The following ANKRD18B variants were observed in gnomAD, a reference collection of about 807,000 sequenced individuals.
ANKRD18B encodes ankyrin repeat domain-containing protein 18B.
ANKRD18B carries 75 observed loss-of-function variants against 111.8 expected under a neutral mutation model. The observed-to-expected ratio is 0.67, with a 90% CI of 0.56 to 0.81. The LOEUF is 0.81. Among genes scored for constraint, ANKRD18B ranks in the 40% least tolerant of loss-of-function variants. The pLI is 0.00. For synonymous variants in ANKRD18B, 356 were observed against 417.3 expected, an observed-to-expected ratio of 0.85 and a Z score of 1.79; for missense variants, 1,038 against 1,225.5, an observed-to-expected ratio of 0.85 and a Z score of 2.28.
At chr9:33,553,366 CATAA>C (rs1266796584) in intron 12 of ANKRD18B, among the ~76,000 whole-genome samples, 1 of 152,056 alleles carries the variant, frequency 6.6e-6, no homozygotes, top group Admixed American at 6.6e-5. Context: ...AGCTCTGTCT[CATAA>C]ATAAAACGTT....
intron 14 of ANKRD18B, among the ~76,000 whole-genome samples, chr9:33,558,714 A>T (rs1828563469): frequency 6.6e-6 from 1 of 152,176 alleles, no homozygotes; most frequent in South Asian, 2.1e-4. Context: ...GTAATTTTAA[A>T]TCAGTTTGGG....
In ANKRD18B at chr9:33,524,601, A is replaced by T. The variant is rs1408888197; in HGVS notation, c.112A>T (p.Ile38Phe). 94 of 1,551,422 alleles carry T rather than the reference A, an allele frequency of 6.1e-5. No individual in the cohort carries two copies. Among genetic ancestry groups the T allele is most frequent in the Non-Finnish European group, 8.0e-5 (92 of 1,146,876 alleles). ...YHIRDWELRK[I>F]HRAAIKGDAA... Reference sequence around the variant, plus strand: ...CATTCGGGACTGGGAACTGCGGAAGATCCACAGGGCGGCCATCAAGGGCGA... The same window carrying T: ...CATTCGGGACTGGGAACTGCGGAAGTTCCACAGGGCGGCCATCAAGGGCGA... Residue 38 changes from isoleucine to phenylalanine, a missense_variant, in exon 1 of 19, where the codon ATC becomes TTC. By Grantham distance (21) the Ile-to-Phe change is conservative (BLOSUM62 0). Around this residue, in one of 4 missense-constraint regions of ANKRD18B, gnomAD observed 216 missense variants for 205.1 expected, o/e 1.05. Transcript: ENST00000684830.
At chr9:33,547,237 C>T (rs1049456902) in intron 10 of ANKRD18B, among the ~76,000 whole-genome samples, 3 of 152,072 alleles carry the variant, frequency 2.0e-5, no homozygotes, top group Non-Finnish European at 2.9e-5. Flanking sequence ...TAACTGTGAT[C>T]TGATGGAGAA....
intron 6 of ANKRD18B, among the ~76,000 whole-genome samples, chr9:33,537,847 T>C (rs1290173275): frequency 6.6e-6 from 1 of 152,020 alleles, no homozygotes; most frequent in Non-Finnish European, 1.5e-5. Flanking sequence ...GCTTTTAGAA[T>C]AAAGTACGCT....
At position 33,551,227 on chromosome 9, in the gene ANKRD18B, A is replaced by G. The variant is rs548551594; in HGVS notation, c.2217+648A>G. Among the ~76,000 whole-genome samples, 494 of 152,344 alleles carry G rather than the reference A, an allele frequency of 3.2e-3. 4 individuals carry two copies. The highest frequency in any genetic ancestry group is 5.2e-3 in the Non-Finnish European group (354 of 68,024). ...ATCTGGATCCTACCATGGGATTTTAAAAACAGTTTCACTGAGAGATAATTC... is the reference window on the plus strand; with the variant it reads ...ATCTGGATCCTACCATGGGATTTTAGAAACAGTTTCACTGAGAGATAATTC... On this transcript the variant is annotated intron_variant, in intron 12 of 18. Coordinates refer to ENST00000684830, the MANE Select transcript of ANKRD18B (RefSeq NM_001393611.1).
chr9:33,565,689 T>A (rs1828674079), intron 14 of ANKRD18B, among the ~76,000 whole-genome samples: 1 of 152,114 alleles, frequency 6.6e-6, no homozygotes, highest in African/African-American at 2.4e-5. Context: ...CTCTGGCTGA[T>A]CTCAAATTCC....
intron 13 of ANKRD18B, among the ~76,000 whole-genome samples, chr9:33,556,407 GT>G (rs992809067): frequency 6.6e-6 from 1 of 151,498 alleles, no homozygotes; most frequent in African/African-American, 2.4e-5. Flanking sequence ...ATGATTACAG[GT>G]GTGCACCACC....
intron 14 of ANKRD18B, among the ~76,000 whole-genome samples, chr9:33,564,404 A>G (rs1337252605): frequency 1.3e-5 from 2 of 152,214 alleles, no homozygotes; most frequent in Non-Finnish European, 2.9e-5. Flanking sequence ...TGAGTATTCC[A>G]TTGTGTATGT....
intron 3 of ANKRD18B, 30 bp downstream of exon 3, chr9:33,529,203 T>C: frequency 6.4e-7 from 1 of 1,571,398 alleles, no homozygotes; most frequent in Non-Finnish European, 8.6e-7. Flanking sequence ...CTTTTCAAAA[T>C]GTTTGTTTTA....
chr9:33,532,590 G>A (rs2117990886), intron 3 of ANKRD18B, among the ~76,000 whole-genome samples: 1 of 152,230 alleles, frequency 6.6e-6, no homozygotes, highest in East Asian at 1.9e-4. Flanking sequence ...TCTTGCATTA[G>A]GAGAAATCCC....
In ANKRD18B at chr9:33,566,215, G is replaced by A. The variant is rs1443451590; in HGVS notation, c.2461-4G>A. 6.5e-7 allele frequency: 1 copy of A among 1,548,084 alleles called. No individual in the cohort carries two copies. Among genetic ancestry groups the A allele is most frequent in the East Asian group, 2.4e-5 (1 of 41,280 alleles). On this transcript the variant is annotated splice_region_variant and splice_polypyrimidine_tract_variant and intron_variant, in intron 14 of 18. Transcript: ENST00000684830. ...TATCAAGCTCTATTATTTTATTAAT[G>A]CAGTTTGATGATCTTATGGCCGAGA...
chr9:33,559,079 T>C (rs1334278122), intron 14 of ANKRD18B, among the ~76,000 whole-genome samples: 1 of 152,168 alleles, frequency 6.6e-6, no homozygotes, highest in Non-Finnish European at 1.5e-5. Flanking sequence ...GAAATAGGTA[T>C]AAAGGAAGGC....
intron 16 of ANKRD18B, among the ~76,000 whole-genome samples, chr9:33,568,217 A>G (rs1461749975): frequency 1.3e-5 from 2 of 152,266 alleles, no homozygotes; most frequent in Admixed American, 6.5e-5. Flanking sequence ...CTTAATCTAC[A>G]TTATTTAAGG....
intron 10 of ANKRD18B, 100 bp downstream of exon 10, chr9:33,543,355 T>G (rs961074582): frequency 1.0e-6 from 1 of 971,516 alleles, no homozygotes; most frequent in Non-Finnish European, 1.5e-6. Context: ...ACTATCCTTT[T>G]AGAATCCAAC....
rs1828795340 is a variant in ANKRD18B, at chr9:33,572,450, T to C, written c.*16T>C. The C allele has an allele frequency of 2.7e-6, 4 of 1,505,150 alleles. No individual in the cohort carries two copies. The highest frequency in any genetic ancestry group is 2.2e-5 in the Admixed American group (1 of 45,442). 93.2% of individuals were successfully genotyped at this position (1,505,150 alleles called of 1,614,324 possible). A position where few individuals can be genotyped will look rare whatever the true frequency, so the allele number is the denominator to read the frequency against. ...TATGATTTAAAAGATCATAAAACTT[T>C]ATTACTGGGCTATTTACATGAAATT... is the stretch of plus-strand genomic sequence containing the variant. On this transcript the variant is annotated 3_prime_UTR_variant, in exon 19 of 19. Transcript: ENST00000684830.
chr9:33,573,085 A>T (rs577085228), downstream of ANKRD18B: 8 of 981,126 alleles, frequency 8.2e-6, no homozygotes, highest in Middle Eastern at 3.8e-4. Flanking sequence ...TGTCTTTTTG[A>T]TTTGTCCCCA....
chr9:33,535,253 TAC>T (rs1828178723), intron 5 of ANKRD18B, among the ~76,000 whole-genome samples: 1 of 152,068 alleles, frequency 6.6e-6, no homozygotes, highest in Non-Finnish European at 1.5e-5. Context: ...TGGTGACTCA[TAC>T]ACAGAGTCCA....
At chr9:33,573,835 G>T (rs1388349697), downstream of ANKRD18B, among the ~76,000 whole-genome samples, 2 of 145,302 alleles carry the variant, frequency 1.4e-5, 1 homozygote, top group Non-Finnish European at 3.1e-5. Context: ...GCAGGGACCT[G>T]GTTAGCGGTG....
rs546979230 is a variant in ANKRD18B at position 33,563,487 on chromosome 9, G to A, written c.2461-2732G>A. On this transcript the variant is annotated intron_variant, in intron 14 of 18. Coordinates refer to ENST00000684830, the MANE Select transcript of ANKRD18B (RefSeq NM_001393611.1). The stretch of plus-strand genomic sequence containing the variant: ...CACTCCCAGGCTGTCTTTGTGGACT[G>A]ATCTCTCTCACAATCTGGGGGCTGA... 1.3e-4 allele frequency among the ~76,000 whole-genome samples: 19 copies of A among 151,742 alleles called. No individual in the cohort carries two copies. The South Asian group carries it at 1.5e-3, about 12-fold the overall frequency.
Sources: gnomAD v4.1 joint callset for allele counts (sites outside exome capture counted in the v4.1 genomes callset) on GRCh38, gnomAD v4.1.1 for gene constraint, gnomAD v4.1.1 regional missense constraint, MANE v1.5 for transcripts, NCBI Gene and HGNC (gene_info 2026-07-23, HGNC 2026-07-21) for gene names.